Variants in ZNF716 observed in about 807,000 individuals in gnomAD.
ZNF716 encodes the protein zinc finger protein 716.
Under a neutral mutation model 13.4 loss-of-function variants are expected in ZNF716, and 9 were observed. The observed-to-expected ratio is 0.67, with a 90% CI of 0.41 to 1.18. ZNF716 has a LOEUF of 1.18. Ranked by LOEUF, ZNF716 falls within the 50% of genes most tolerant of loss-of-function variation. ZNF716 has a pLI of 0.01. For missense variants in ZNF716, 581 were observed against 576.6 expected (o/e 1.01, Z -0.08); for synonymous variants, 186 against 195.2 (o/e 0.95, Z 0.39).
chr7:57,464,766 T>A (rs573398482), intron 3 of ZNF716, among the ~76,000 whole-genome samples: 1 of 152,334 alleles, frequency 6.6e-6, no homozygotes, highest in Non-Finnish European at 1.5e-5. Context: ...ATGATGTAAT[T>A]AAAACATCCA....
intron 1 of ZNF716, 114 bp from the exon 2 acceptor site, chr7:57,462,346 T>A (rs1554323232): frequency 1.6e-6 from 2 of 1,262,256 alleles, no homozygotes; most frequent in Non-Finnish European, 2.2e-6. Context: ...CAGAACCACT[T>A]CTTTTTACTC....
chr7:57,469,985 TA>T lies in ZNF716; in HGVS notation c.*40del, dbSNP rs1789899488. On this transcript the variant is annotated 3_prime_UTR_variant, in exon 4 of 4. Coordinates refer to ENST00000420713, the MANE Select transcript of ZNF716 (RefSeq NM_001159279.1). ...TCCAGCCCTCAGGCCTTATAATACA[TA>T]AAATAATTTATACTGGAAAAAATCA... 3.4e-6 allele frequency: 5 copies of T among 1,474,326 alleles called. No homozygotes were observed. The highest frequency in any genetic ancestry group is 1.4e-5 in the African/African-American group (1 of 70,006). The allele number at this position is 1,474,326 out of a possible 1,614,324, so 91.3% of individuals were successfully genotyped here.
intron 3 of ZNF716, among the ~76,000 whole-genome samples, chr7:57,466,252 A>G (rs1554324098): frequency 6.6e-6 from 1 of 152,142 alleles, no homozygotes; most frequent in East Asian, 1.9e-4. Flanking sequence ...ATAAAAAAGA[A>G]TATTGTGTGT....
chr7:57,458,541 G>A (rs1309006965), intron 1 of ZNF716, among the ~76,000 whole-genome samples: 1 of 151,790 alleles, frequency 6.6e-6, no homozygotes, highest in Non-Finnish European at 1.5e-5. Flanking sequence ...TTTTGCCTCA[G>A]CCTCCCGAAT....
rs547273173 is a variant in ZNF716, at chr7:57,470,214, G to T, written c.*265G>T. The stretch of plus-strand genomic sequence containing the variant: ...GAGTCTCACTTTGTCACCCAGGCTG[G>T]AGTGCAGTGGCACGATGTCAGCTCA... On this transcript the variant is annotated 3_prime_UTR_variant, in exon 4 of 4. Coordinates refer to ENST00000420713, the MANE Select transcript of ZNF716 (RefSeq NM_001159279.1). The T allele has an allele frequency of 3.7e-6, 1 of 267,482 alleles. No homozygotes were observed. 16.6% of individuals were successfully genotyped at this position (267,482 alleles called of 1,614,324 possible). A position where few individuals can be genotyped will look rare whatever the true frequency, so the allele number is the denominator to read the frequency against.
intron 3 of ZNF716, among the ~76,000 whole-genome samples, chr7:57,464,667 C>G (rs1255618031): frequency 5.9e-5 from 9 of 152,088 alleles, no homozygotes; most frequent in Non-Finnish European, 1.2e-4. Flanking sequence ...GGTGCCAAGA[C>G]CAATGTCCTG....
chr7:57,458,408 C>CT (rs1466264813), intron 1 of ZNF716, among the ~76,000 whole-genome samples: 1 of 151,204 alleles, frequency 6.6e-6, no homozygotes. Context: ...TTTTGTTGAA[C>CT]TTTTTTTTTC....
chr7:57,469,315 A>G lies in ZNF716; in HGVS notation c.854A>G (p.Asn285Ser). 1.9e-6 allele frequency: 3 copies of G among 1,590,362 alleles called. No homozygotes were observed. Among genetic ancestry groups the G allele is most frequent in the Non-Finnish European group, 2.6e-6 (3 of 1,166,124 alleles). The change falls in exon 4 of 4, where the codon AAC (asparagine) becomes AGC (serine). Residue 285 changes from asparagine (N) to serine (S), a missense_variant. By Grantham distance (46) the Asn-to-Ser change is conservative. Transcript: ENST00000420713. ...GKVFSRSTLT[N>S]YKRIHTGEKP... The stretch of plus-strand genomic sequence containing the variant: ...GTCTTTAGCCGCTCAACACTTACTA[A>G]CTACAAGAGAATTCATACTGGAGAG...
chr7:57,450,836 A>C (rs1554321423), intron 1 of ZNF716, among the ~76,000 whole-genome samples: 1 of 152,040 alleles, frequency 6.6e-6, no homozygotes, highest in African/African-American at 2.4e-5. Context: ...AGAGACTTGA[A>C]GGAAAGTTTG....
In ZNF716 at chr7:57,462,505, G is replaced by C. The variant is rs782467484; in HGVS notation, c.85G>C (p.Glu29Gln). The change falls in exon 2 of 4, where the codon GAA becomes CAA. Residue 29 changes from glutamate (E) to glutamine (Q), a missense_variant. Transcript: ENST00000420713. ...CATAGCTATAGAATTTTCTCTGGCG[G>C]AATGGCAATGCCTGGATCATGCTCA... ...RDIAIEFSLA[E>Q]WQCLDHAQQN... is the part of the protein sequence containing the mutation. The C allele has an allele frequency of 5.0e-6, 8 of 1,613,832 alleles. No homozygotes were observed. Among genetic ancestry groups the C allele is most frequent in the Admixed American group, 1.7e-5 (1 of 59,954 alleles).
intron 1 of ZNF716, among the ~76,000 whole-genome samples, chr7:57,454,671 T>G (rs1480526065): frequency 6.6e-6 from 1 of 152,158 alleles, no homozygotes; most frequent in Non-Finnish European, 1.5e-5. Flanking sequence ...AAAGGTGTTT[T>G]GGGGCAGTTT....
chr7:57,462,886 G>A (rs1377175346), intron 2 of ZNF716, among the ~76,000 whole-genome samples, 187 bp from the exon 3 acceptor site: 3 of 152,050 alleles, frequency 2.0e-5, no homozygotes, highest in Non-Finnish European at 4.4e-5. Context: ...TGATTCAGTA[G>A]CACTGAATAG....
intron 1 of ZNF716, among the ~76,000 whole-genome samples, chr7:57,460,546 GA>G (rs1310099643): frequency 2.0e-5 from 3 of 152,018 alleles, no homozygotes; most frequent in South Asian, 2.1e-4. Context: ...AAGGGGTTCT[GA>G]AAAAAATATT....
In ZNF716 at chr7:57,455,117, T is replaced by C. The variant is rs1583715587; in HGVS notation, c.39+4790T>C. 2.0e-5 allele frequency among the ~76,000 whole-genome samples: 3 copies of C among 152,172 alleles called. No individual in the cohort carries two copies. The East Asian group carries it at 5.8e-4, about 29-fold the overall frequency. ...TCAATGTATAGGCAGACAAGGACTT[T>C]CTTTTATAGAGAATAGCAAACAAGT... On this transcript the variant is annotated intron_variant, in intron 1 of 3. Coordinates refer to ENST00000420713, the MANE Select transcript of ZNF716 (RefSeq NM_001159279.1).
rs575680506 is a variant in ZNF716, at chr7:57,455,514, T to TTTTATTTATTTATTTATTTA, written c.39+5188_39+5207dup. On this transcript the variant is annotated intron_variant, in intron 1 of 3. Coordinates refer to ENST00000420713, the MANE Select transcript of ZNF716 (RefSeq NM_001159279.1). The stretch of plus-strand genomic sequence containing the variant: ...GGTGAAGACCACAAAGGATGGAGAA[T>TTTTATTTATTTATTTATTTA]TTTATTTATTTATTTATTTAGAGAT... Among the ~76,000 whole-genome samples the TTTTATTTATTTATTTATTTA allele has an allele frequency of 0.01, 1,530 of 151,892 alleles. 106 individuals carry two copies. The East Asian group carries it at 0.18, about 18-fold the overall frequency.
chr7:57,469,275 G>T lies in ZNF716; in HGVS notation c.814G>T (p.Glu272Ter). Residue 272 changes from glutamate to a stop codon, truncating the protein, a stop_gained, in exon 4 of 4, where the codon GAA becomes TAA. Coordinates refer to ENST00000420713, the MANE Select transcript of ZNF716 (RefSeq NM_001159279.1). LOFTEE classifies it low-confidence loss of function (END_TRUNC). ...IHTGEKPYTC[E>*]ERGKVFSRST... ...TACTGGAGAGAAACCTTACACATGT[G>T]AAGAACGTGGCAAAGTCTTTAGCCG... 1 of 1,590,648 alleles carries T rather than the reference G, an allele frequency of 6.3e-7. No individual in the cohort carries two copies. Among genetic ancestry groups the T allele is most frequent in the Non-Finnish European group, 8.6e-7 (1 of 1,166,674 alleles).
intron 3 of ZNF716, among the ~76,000 whole-genome samples, chr7:57,466,132 A>G (rs1395408297): frequency 1.3e-5 from 2 of 152,076 alleles, no homozygotes; most frequent in African/African-American, 4.8e-5. Context: ...ACATGTATAC[A>G]TATGTAACTA....
In ZNF716 at chr7:57,469,355, T is replaced by G; in HGVS notation, c.894T>G (p.Cys298Trp). 1.2e-6 allele frequency: 2 copies of G among 1,613,666 alleles called. No homozygotes were observed. Among genetic ancestry groups the G allele is most frequent in the Non-Finnish European group, 8.5e-7 (1 of 1,179,824 alleles). Residue 298 changes from cysteine to tryptophan, a missense_variant, in exon 4 of 4, where the codon TGT becomes TGG. By Grantham distance (215) the Cys-to-Trp change is radical. Transcript: ENST00000420713. ...ATACTGGAGAGAAACCCTACACATG[T>G]GAAGAATGTGGCAAAGCCTTTAGCC... ...RIHTGEKPYT[C>W]EECGKAFSRS...
chr7:57,454,374 C>T (rs1554321955), intron 1 of ZNF716, among the ~76,000 whole-genome samples: 1 of 152,174 alleles, frequency 6.6e-6, no homozygotes, highest in African/African-American at 2.4e-5. Context: ...CTGGATTTAT[C>T]ACCACTTAAT....
Sources: allele counts gnomAD v4.1 joint callset (sites outside exome capture counted in the v4.1 genomes callset), GRCh38; gene constraint gnomAD v4.1.1; transcripts MANE v1.5; gene names NCBI Gene and HGNC (gene_info 2026-07-23, HGNC 2026-07-21).